The following BRINP2 variants were observed in gnomAD, a reference collection of about 807,000 sequenced individuals.
The protein encoded by BRINP2 is BMP/retinoic acid inducible neural specific 2, also known as BMP/retinoic acid-inducible neural-specific protein 2.
In BRINP2, 21 loss-of-function variants were observed where a neutral mutation model predicts 69.2. The ratio of observed to expected loss-of-function variants is 0.30; its 90% CI spans 0.22 to 0.44. The LOEUF (loss-of-function observed/expected upper bound fraction) is 0.44, where lower values mean the gene tolerates loss of function less well. Among genes scored for constraint, BRINP2 ranks in the 20% least tolerant of loss-of-function variants. The pLI is 1.00. For missense variants in BRINP2, 877 were observed against 986.0 expected, an observed-to-expected ratio of 0.89 and a Z score of 1.48; for synonymous variants, 380 against 394.1, an observed-to-expected ratio of 0.96 and a Z score of 0.42.
At chr1:177,177,975 T>C (rs1474893924) in intron 1 of BRINP2, among the ~76,000 whole-genome samples, 3 of 152,206 alleles carry the variant, frequency 2.0e-5, no homozygotes, top group African/African-American at 7.2e-5. Flanking sequence ...TGGTTAAAGG[T>C]ACCAAAATCC....
chr1:177,268,750 A>G, intron 4 of BRINP2, among the ~76,000 whole-genome samples: 2 of 152,244 alleles, frequency 1.3e-5, no homozygotes, highest in Admixed American at 1.3e-4. Flanking sequence ...TGGCAGGTAC[A>G]CAGCTCCAGG....
intron 1 of BRINP2, among the ~76,000 whole-genome samples, chr1:177,199,055 A>G (rs1006106636): frequency 6.6e-6 from 1 of 152,194 alleles, no homozygotes; most frequent in Non-Finnish European, 1.5e-5. Context: ...GTAAGGAAAA[A>G]AAGCCACCCT....
chr1:177,204,986 G>A (rs910134675), intron 1 of BRINP2, among the ~76,000 whole-genome samples: 2 of 152,116 alleles, frequency 1.3e-5, no homozygotes, highest in African/African-American at 4.8e-5. Context: ...TGTATCATAT[G>A]TATATGTCAT....
At chr1:177,257,098 C>T in intron 3 of BRINP2, 78 bp from the exon 4 acceptor site, 1 of 1,594,802 alleles carries the variant, frequency 6.3e-7, no homozygotes, top group Middle Eastern at 1.7e-4. Flanking sequence ...TCTATCTTGG[C>T]CAAGGGTTTT....
intron 1 of BRINP2, among the ~76,000 whole-genome samples, chr1:177,223,274 T>C (rs574026552): frequency 4.9e-4 from 74 of 152,194 alleles, no homozygotes; most frequent in African/African-American, 1.7e-3. Flanking sequence ...ACCTATAAAT[T>C]TGGGGCCTCA....
At chr1:177,278,891 TCA>T (rs1651600972) in intron 7 of BRINP2, 106 bp downstream of exon 7, 4 of 1,075,626 alleles carry the variant, frequency 3.7e-6, no homozygotes, top group Non-Finnish European at 5.5e-6. Context: ...GAGTGGTGAC[TCA>T]CACATAGCCT....
At chr1:177,199,092 G>A (rs1648828183) in intron 1 of BRINP2, among the ~76,000 whole-genome samples, 1 of 152,168 alleles carries the variant, frequency 6.6e-6, no homozygotes, top group Admixed American at 6.5e-5. Context: ...TTGCAAGATG[G>A]GAGTAGGAGT....
intron 5 of BRINP2, among the ~76,000 whole-genome samples, chr1:177,273,924 G>A (rs1050522273): frequency 3.9e-5 from 6 of 152,218 alleles, no homozygotes; most frequent in African/African-American, 9.6e-5. Flanking sequence ...CTAGTTCAAC[G>A]ATCTTCATTT....
At chr1:177,266,606 A>C (rs1651130643) in intron 4 of BRINP2, among the ~76,000 whole-genome samples, 1 of 151,634 alleles carries the variant, frequency 6.6e-6, no homozygotes, top group African/African-American at 2.4e-5. Context: ...AAAAATACCA[A>C]AAAATTAGCC....
At chr1:177,231,169 A>G (rs1013698682) in intron 2 of BRINP2, among the ~76,000 whole-genome samples, 4 of 152,158 alleles carry the variant, frequency 2.6e-5, no homozygotes, top group Admixed American at 6.5e-5. Context: ...TGCATGCCTT[A>G]TATAAAGTAA....
intron 1 of BRINP2, among the ~76,000 whole-genome samples, chr1:177,187,671 C>T (rs1293727039): frequency 1.3e-5 from 2 of 152,116 alleles, no homozygotes; most frequent in Non-Finnish European, 2.9e-5. Flanking sequence ...GTCGGTATGT[C>T]GACTTCCGCT....
intron 2 of BRINP2, among the ~76,000 whole-genome samples, chr1:177,239,150 T>A (rs138725179): frequency 2.6e-5 from 4 of 152,332 alleles, no homozygotes; most frequent in African/African-American, 9.6e-5. Context: ...GGCAGCCCGG[T>A]AGGTCTTTGA....
intron 1 of BRINP2, among the ~76,000 whole-genome samples, chr1:177,186,381 G>GT (rs1317299287): frequency 6.6e-6 from 1 of 151,882 alleles, no homozygotes; most frequent in Non-Finnish European, 1.5e-5. Flanking sequence ...TAGTGCAAAA[G>GT]TAATTGCAAT....
At position 177,273,720 on chromosome 1, in the gene BRINP2, C is replaced by T. The variant is rs867459727; in HGVS notation, c.775+127C>T. The T allele has an allele frequency of 1.2e-4, 70 of 570,826 alleles. 1 individual carries two copies. In the African/African-American group the frequency reaches 1.3e-3, roughly 11 times the overall value. 35.4% of individuals were successfully genotyped at this position (570,826 alleles called of 1,614,324 possible). Reference sequence around the variant, plus strand: ...CAAACCTTTCTTAAGACAAGAACTACCACAAGTTCTGGAACCTGTATTTAA... The same window carrying T: ...CAAACCTTTCTTAAGACAAGAACTATCACAAGTTCTGGAACCTGTATTTAA... On this transcript the variant is annotated intron_variant, in intron 5 of 7. Transcript: ENST00000361539.
chr1:177,253,700 G>T (rs1206677683), intron 2 of BRINP2, among the ~76,000 whole-genome samples: 1 of 152,054 alleles, frequency 6.6e-6, no homozygotes, highest in Non-Finnish European at 1.5e-5. Context: ...TTCATTTTGA[G>T]CTGATTTTTG....
intron 4 of BRINP2, among the ~76,000 whole-genome samples, chr1:177,272,783 T>A (rs1354100290): frequency 6.6e-6 from 1 of 152,230 alleles, no homozygotes; most frequent in Non-Finnish European, 1.5e-5. Flanking sequence ...TCATTCTTAT[T>A]ACATAATTAT....
At chr1:177,269,286 C>G (rs781563751) in intron 4 of BRINP2, among the ~76,000 whole-genome samples, 8 of 152,170 alleles carry the variant, frequency 5.3e-5, no homozygotes, top group African/African-American at 1.9e-4. Flanking sequence ...GGGGTATCAC[C>G]AAATGATACA....
At chr1:177,187,801 C>T (rs749934339) in intron 1 of BRINP2, among the ~76,000 whole-genome samples, 1 of 152,110 alleles carries the variant, frequency 6.6e-6, no homozygotes, top group Non-Finnish European at 1.5e-5. Context: ...TTGTTTGAAG[C>T]TAAGTGATAG....
chr1:177,262,766 A>T (rs1475449719), intron 4 of BRINP2, among the ~76,000 whole-genome samples: 1 of 152,214 alleles, frequency 6.6e-6, no homozygotes. Flanking sequence ...TCTTTGGCTA[A>T]CAGGAAGAAA....
Sources: gnomAD v4.1 joint callset for allele counts (sites outside exome capture counted in the v4.1 genomes callset) on GRCh38, gnomAD v4.1.1 for gene constraint, MANE v1.5 for transcripts, NCBI Gene and HGNC (gene_info 2026-07-23, HGNC 2026-07-21) for gene names.